NRG1: variants seen among roughly 807,000 people sequenced by gnomAD.
The protein encoded by NRG1 is neuregulin 1.
Under a neutral mutation model 63.8 loss-of-function variants are expected in NRG1, and 18 were observed. The observed-to-expected ratio is 0.28, with a 90% confidence interval of 0.19 to 0.42. The LOEUF is 0.42. NRG1 is among the 10% of genes least tolerant of loss of function. NRG1 has a pLI of 1.00. For missense variants in NRG1, 762 were observed against 814.7 expected, an observed-to-expected ratio of 0.94 and a Z score of 0.79; for synonymous variants, 302 against 301.3, an observed-to-expected ratio of 1.00 and a Z score of -0.02.
At chr8:32,462,086 C>T (rs1463759697) in intron 1 of NRG1, among the ~76,000 whole-genome samples, 1 of 152,152 alleles carries the variant, frequency 6.6e-6, no homozygotes, top group Non-Finnish European at 1.5e-5. Context: ...TCTAAATTTA[C>T]CTTTTTATTG....
At chr8:31,827,530 GTT>G (rs1407578212) in intron 1 of NRG1, among the ~76,000 whole-genome samples, 3 of 152,170 alleles carry the variant, frequency 2.0e-5, no homozygotes, top group African/African-American at 7.2e-5. Flanking sequence ...CAACAGCATG[GTT>G]AAAATTCTTG....
intron 1 of NRG1, among the ~76,000 whole-genome samples, chr8:32,018,945 T>C (rs1816008956): frequency 6.6e-6 from 1 of 152,240 alleles, no homozygotes; most frequent in African/African-American, 2.4e-5. Context: ...GTTGGTATCA[T>C]ATTGTGGTTT....
chr8:32,672,678 C>A (rs535281467), intron 5 of NRG1, among the ~76,000 whole-genome samples: 1 of 152,234 alleles, frequency 6.6e-6, no homozygotes, highest in African/African-American at 2.4e-5. Flanking sequence ...ATGTTTCTTT[C>A]ATTTAATATC....
At chr8:32,741,647 G>T (rs560384573) in intron 6 of NRG1, among the ~76,000 whole-genome samples, 8 of 152,218 alleles carry the variant, frequency 5.3e-5, no homozygotes, top group Admixed American at 3.9e-4. Context: ...TCATGTTAGC[G>T]CTTATCAAAA....
intron 1 of NRG1, among the ~76,000 whole-genome samples, chr8:32,266,821 G>A (rs986212782): frequency 8.0e-5 from 12 of 150,198 alleles, no homozygotes; most frequent in Admixed American, 1.3e-4. Context: ...GGATCATGAG[G>A]TCAGGAGATC....
At chr8:31,897,452 G>A (rs1271148027) in intron 1 of NRG1, among the ~76,000 whole-genome samples, 1 of 152,028 alleles carries the variant, frequency 6.6e-6, no homozygotes, top group Non-Finnish European at 1.5e-5. Flanking sequence ...GCCATATCTT[G>A]GAATAGTCCT....
At chr8:32,686,623 A>G (rs1246721166) in intron 5 of NRG1, among the ~76,000 whole-genome samples, 2 of 152,362 alleles carry the variant, frequency 1.3e-5, no homozygotes, top group South Asian at 2.1e-4. Flanking sequence ...AGATATCAAC[A>G]GTTAAAGGAA....
chr8:31,984,959 C>G (rs13255716), intron 1 of NRG1, among the ~76,000 whole-genome samples: 1 of 151,928 alleles, frequency 6.6e-6, no homozygotes, highest in Non-Finnish European at 1.5e-5. Context: ...TATTTCTTAC[C>G]TTCTTCTCTA....
chr8:32,180,035 T>C (rs1841267212), intron 1 of NRG1, among the ~76,000 whole-genome samples: 1 of 152,222 alleles, frequency 6.6e-6, no homozygotes, highest in African/African-American at 2.4e-5. Context: ...ATATTTTGTT[T>C]TGAGTCTTTT....
At position 32,366,653 on chromosome 8, in the gene NRG1, T is replaced by TA. The variant is rs752372898; in HGVS notation, c.38-229175_38-229174insA. Among the ~76,000 whole-genome samples, 103 of 101,980 alleles carry TA rather than the reference T, an allele frequency of 1.0e-3. 2 individuals are homozygous for TA. In the South Asian group the frequency reaches 0.016, roughly 16 times the overall value. 66.9% of individuals were successfully genotyped at this position (101,980 alleles called of 152,430 possible). On this transcript the variant is annotated intron_variant, in intron 1 of 10. Coordinates refer to the NRG1 transcript ENST00000519301. ...TATATACACATATATGTAATATATA[T>TA]TGTGTGTGTGTGTGTGTGTGTGTGT...
intron 1 of NRG1, among the ~76,000 whole-genome samples, chr8:31,851,638 A>C (rs1827231953): frequency 6.6e-6 from 1 of 152,018 alleles, no homozygotes; most frequent in African/African-American, 2.4e-5. Flanking sequence ...TTTAAGTTTT[A>C]GGGTACATGT....
intron 1 of NRG1, among the ~76,000 whole-genome samples, chr8:31,712,373 A>AT (rs1407984042): frequency 6.8e-6 from 1 of 147,598 alleles, no homozygotes; most frequent in Non-Finnish European, 1.5e-5. Context: ...GGTTCAAGCG[A>AT]TTCTCCTGCC....
At chr8:32,011,843 A>G (rs1400682017) in intron 1 of NRG1, among the ~76,000 whole-genome samples, 4 of 152,038 alleles carry the variant, frequency 2.6e-5, no homozygotes, top group Admixed American at 2.6e-4. Flanking sequence ...CTTTTTCACT[A>G]TTTTATTCAT....
chr8:32,212,388 T>C (rs1289962591), intron 1 of NRG1, among the ~76,000 whole-genome samples: 1 of 152,194 alleles, frequency 6.6e-6, no homozygotes, highest in Non-Finnish European at 1.5e-5. Flanking sequence ...CATGGCAGCA[T>C]TGTCAACTAA....
At chr8:32,525,065 C>T (rs2129510344) in intron 1 of NRG1, among the ~76,000 whole-genome samples, 1 of 152,314 alleles carries the variant, frequency 6.6e-6, no homozygotes, top group Non-Finnish European at 1.5e-5. Flanking sequence ...CAAAGAAATA[C>T]TCAAAGCTTC....
intron 1 of NRG1, among the ~76,000 whole-genome samples, chr8:32,303,589 G>C (rs1472116239): frequency 6.6e-6 from 1 of 152,146 alleles, no homozygotes; most frequent in Non-Finnish European, 1.5e-5. Context: ...AACAGAAAGT[G>C]GTGCCAGTTT....
chr8:32,137,626 A>C (rs894767884), intron 1 of NRG1, among the ~76,000 whole-genome samples: 17 of 152,166 alleles, frequency 1.1e-4, no homozygotes, highest in African/African-American at 4.1e-4. Context: ...TTGGGTACAT[A>C]AAAGGAGAGC....
chr8:32,230,764 A>T (rs913787638), intron 1 of NRG1, among the ~76,000 whole-genome samples: 3 of 124,846 alleles, frequency 2.4e-5, no homozygotes, highest in African/African-American at 9.5e-5. Flanking sequence ...TAATAAGTGT[A>T]TATATACATG....
intron 5 of NRG1, among the ~76,000 whole-genome samples, chr8:32,700,631 A>C (rs944382175): frequency 6.6e-6 from 1 of 152,298 alleles, no homozygotes; most frequent in African/African-American, 2.4e-5. Context: ...AATCTTGCAC[A>C]TCAGCTGAAA....
Sources: gnomAD v4.1 joint callset for allele counts (sites outside exome capture counted in the v4.1 genomes callset) on GRCh38, gnomAD v4.1.1 for gene constraint, MANE v1.5 for transcripts, NCBI Gene and HGNC (gene_info 2026-07-23, HGNC 2026-07-21) for gene names.